ROBO2: variants seen among roughly 807,000 people sequenced by gnomAD.
ROBO2 encodes the protein roundabout guidance receptor 2.
In ROBO2, 53 loss-of-function variants were observed where a neutral mutation model predicts 160.8. That is an observed-to-expected ratio of 0.33 (90% CI 0.26 to 0.41). ROBO2 has a LOEUF of 0.41. Ranked by LOEUF, ROBO2 falls within the 10% of genes least tolerant of loss-of-function variation. The pLI is 1.00. For missense variants in ROBO2, 1,577 were observed against 1,722.4 expected (o/e 0.92, Z 1.49); for synonymous variants, 664 against 611.7 (o/e 1.09, Z -1.26).
chr3:76,934,539 G>A (rs1260136335), intron 2 of ROBO2, among the ~76,000 whole-genome samples: 4 of 151,930 alleles, frequency 2.6e-5, no homozygotes, highest in South Asian at 4.2e-4. Context: ...TCAAGAGATC[G>A]ATCGAGACCG....
chr3:77,253,763 A>G (rs1030305552), intron 2 of ROBO2, among the ~76,000 whole-genome samples: 6 of 152,214 alleles, frequency 3.9e-5, no homozygotes, highest in African/African-American at 1.4e-4. Flanking sequence ...TGCAGTTTTC[A>G]GAGACAAATG....
chr3:77,264,331 T>A (rs1441955), intron 2 of ROBO2, among the ~76,000 whole-genome samples: 1 of 151,938 alleles, frequency 6.6e-6, no homozygotes, highest in African/African-American at 2.4e-5. Context: ...TTTTAACAAC[T>A]CCTGACTTTG....
intron 2 of ROBO2, among the ~76,000 whole-genome samples, chr3:76,207,899 G>A (rs552930585): frequency 1.3e-5 from 2 of 152,296 alleles, no homozygotes; most frequent in South Asian, 2.1e-4. Context: ...CAGTGTGGGA[G>A]GTGATTGAGT....
At chr3:77,131,352 T>C (rs1483709493) in intron 2 of ROBO2, among the ~76,000 whole-genome samples, 2 of 152,192 alleles carry the variant, frequency 1.3e-5, no homozygotes, top group Non-Finnish European at 2.9e-5. Context: ...TTTTGTTGTG[T>C]TCTAATGGCA....
In ROBO2 at chr3:76,834,013, C is replaced by CTCTCTTTT. The variant is rs1559574299; in HGVS notation, c.110-264001_110-264000insTCTCTTTT. 8.7e-4 allele frequency among the ~76,000 whole-genome samples: 106 copies of CTCTCTTTT among 121,228 alleles called. 1 individual carries two copies. The highest frequency in any genetic ancestry group is 8.7e-3 in the Middle Eastern group (2 of 230). The allele number at this position is 121,228 out of a possible 152,430, so 79.5% of individuals were successfully genotyped here. A position where few individuals can be genotyped will look rare whatever the true frequency, so the allele number is the denominator to read the frequency against. On this transcript the variant is annotated intron_variant, in intron 2 of 26. Coordinates refer to the ROBO2 transcript ENST00000487694. ...TCTTTCTTTCCTTCTTTCTTTCTTTCCTTTCTTTCTTTTCTTTCTTTCTTT... is the reference window on the plus strand; with the variant it reads ...TCTTTCTTTCCTTCTTTCTTTCTTTCTCTCTTTTCTTTCTTTCTTTTCTTTCTTTCTTT...
chr3:76,827,092 G>T (rs1260925581), intron 2 of ROBO2, among the ~76,000 whole-genome samples: 2 of 152,128 alleles, frequency 1.3e-5, no homozygotes, highest in Non-Finnish European at 2.9e-5. Flanking sequence ...GCGAGGTAGA[G>T]TTGCATTGGT....
intron 21 of ROBO2, among the ~76,000 whole-genome samples, chr3:77,617,273 A>G (rs1474368509): frequency 1.3e-5 from 2 of 152,306 alleles, no homozygotes; most frequent in East Asian, 1.9e-4. Flanking sequence ...TGGGGTAACA[A>G]TTAGCTAAAA....
rs115298098 is a variant in ROBO2 at position 77,169,089 on chromosome 3, C to A, written c.388+70749C>A. On this transcript the variant is annotated intron_variant, in intron 2 of 25. Coordinates refer to ENST00000461745, the Ensembl canonical transcript of ROBO2. ...GTTTAATATAATGCTCTGATTGCAT[C>A]CACACGTATGCAAATGGAAACATTC... 7.6e-3 allele frequency among the ~76,000 whole-genome samples: 1,164 copies of A among 152,254 alleles called. 17 individuals are homozygous for A. The highest frequency in any genetic ancestry group is 0.027 in the African/African-American group (1,109 of 41,548).
chr3:76,152,454 A>C (rs760337190), intron 2 of ROBO2, among the ~76,000 whole-genome samples: 4 of 152,190 alleles, frequency 2.6e-5, no homozygotes, highest in Non-Finnish European at 5.9e-5. Context: ...TAAATCTTTC[A>C]GAGGAATTCT....
intron 1 of ROBO2, among the ~76,000 whole-genome samples, chr3:75,921,516 T>C (rs2106833717): frequency 6.6e-6 from 1 of 152,274 alleles, no homozygotes; most frequent in African/African-American, 2.4e-5. Flanking sequence ...ATTGTTATTG[T>C]TCTATTTTTA....
chr3:77,550,612 C>T lies in ROBO2; in HGVS notation c.1060-206C>T, dbSNP rs2029004. Among the ~76,000 whole-genome samples, 82,228 of 151,828 alleles carry T rather than the reference C, an allele frequency of 0.54. 22,353 individuals carry two copies. The highest frequency in any genetic ancestry group is 0.68 in the Middle Eastern group (199 of 294). ...TATTCTTTCAACTAGAAAATATTGA[C>T]TTCTTAGAGGATATTATTCCACCAT... is the stretch of plus-strand genomic sequence containing the variant. On this transcript the variant is annotated intron_variant, in intron 7 of 25. Coordinates refer to ENST00000461745, the Ensembl canonical transcript of ROBO2.
chr3:75,947,390 G>T (rs202018323), intron 2 of ROBO2, among the ~76,000 whole-genome samples: 1 of 152,040 alleles, frequency 6.6e-6, no homozygotes, highest in Non-Finnish European at 1.5e-5. Context: ...GATCTGGCCT[G>T]CTGCCTGTTT....
chr3:76,422,519 G>A (rs1488480219), intron 2 of ROBO2, among the ~76,000 whole-genome samples: 1 of 152,170 alleles, frequency 6.6e-6, no homozygotes, highest in Non-Finnish European at 1.5e-5. Flanking sequence ...TGTTTGATCT[G>A]TATTAACCTC....
intron 2 of ROBO2, among the ~76,000 whole-genome samples, chr3:76,948,302 T>C (rs892074767): frequency 1.3e-5 from 2 of 152,158 alleles, no homozygotes; most frequent in African/African-American, 4.8e-5. Flanking sequence ...TGAGATTCAT[T>C]TTTGTTTCCT....
rs571757136 is a variant in ROBO2 at position 77,648,652 on chromosome 3, C to A, written c.*2597C>A. 6 of 152,256 alleles carry A rather than the reference C, an allele frequency of 3.9e-5. No individual in the cohort carries two copies. In the South Asian group the frequency reaches 1.2e-3, roughly 32 times the overall value. The allele number at this position is 152,256 out of a possible 1,614,324, so 9.4% of individuals were successfully genotyped here. On this transcript the variant is annotated 3_prime_UTR_variant, in exon 26 of 26. Coordinates refer to ENST00000461745, the Ensembl canonical transcript of ROBO2. Reference sequence around the variant, plus strand: ...AGATAAAATGCTGTATGTAGCTATACAAAGGAATTCAGAAACATTACTGGA... The same window carrying A: ...AGATAAAATGCTGTATGTAGCTATAAAAAGGAATTCAGAAACATTACTGGA...
intron 2 of ROBO2, among the ~76,000 whole-genome samples, chr3:77,252,831 A>AAAAAAAAATATAT: frequency 8.0e-5 from 1 of 12,516 alleles, no homozygotes; most frequent in African/African-American, 1.6e-4. Context: ...AAAAAAAAAA[A>AAAAAAAAATATAT]ATATATATAT....
At chr3:76,734,747 T>G (rs2093683862) in intron 2 of ROBO2, among the ~76,000 whole-genome samples, 1 of 152,142 alleles carries the variant, frequency 6.6e-6, no homozygotes, top group South Asian at 2.1e-4. Context: ...TTTGGCAGTT[T>G]TAAAAAGACA....
chr3:76,930,956 G>A (rs796331959), intron 2 of ROBO2, among the ~76,000 whole-genome samples: 7 of 152,298 alleles, frequency 4.6e-5, no homozygotes, highest in African/African-American at 1.4e-4. Flanking sequence ...CCTTAGCCCA[G>A]TCAAGCTAAT....
chr3:77,444,927 G>A (rs918828363), intron 2 of ROBO2, among the ~76,000 whole-genome samples: 15 of 152,168 alleles, frequency 9.9e-5, no homozygotes, highest in Admixed American at 9.2e-4. Context: ...CTATGACAAG[G>A]TCTGGATGGG....
Sources: allele counts gnomAD v4.1 joint callset (sites outside exome capture counted in the v4.1 genomes callset), GRCh38; gene constraint gnomAD v4.1.1; transcripts MANE v1.5; gene names NCBI Gene and HGNC (gene_info 2026-07-23, HGNC 2026-07-21).